MARK1: variants seen among roughly 807,000 people sequenced by gnomAD.
MARK1 encodes the protein microtubule affinity regulating kinase 1.
In MARK1, 40 loss-of-function variants were observed where a neutral mutation model predicts 96.3. The ratio of observed to expected loss-of-function variants is 0.42; its 90% CI spans 0.32 to 0.54. MARK1 has a LOEUF of 0.54. MARK1 is among the 20% of genes least tolerant of loss of function. The probability of loss-of-function intolerance (pLI) is 0.16; values close to 1 mark genes in which losing one functional copy is unlikely to be tolerated. For synonymous variants in MARK1, 317 were observed against 341.2 expected, an observed-to-expected ratio of 0.93 and a Z score of 0.78; for missense variants, 719 against 984.6, an observed-to-expected ratio of 0.73 and a Z score of 3.61.
chr1:220,560,125 A>G lies in MARK1; in HGVS notation c.52-19229A>G, dbSNP rs145543600. Among the ~76,000 whole-genome samples, 72 of 152,286 alleles carry G rather than the reference A, an allele frequency of 4.7e-4. No individual in the cohort carries two copies. The Middle Eastern group carries it at 0.014, about 29-fold the overall frequency. On this transcript the variant is annotated intron_variant, in intron 1 of 17. Transcript: ENST00000366917. Reference sequence around the variant, plus strand: ...AGGGGAAACCCCTTATAAAGCCATCAGATCTCATGAGACTTATTCACTACC... The same window carrying G: ...AGGGGAAACCCCTTATAAAGCCATCGGATCTCATGAGACTTATTCACTACC...
intron 1 of MARK1, among the ~76,000 whole-genome samples, chr1:220,552,386 A>G (rs1461700974): frequency 3.9e-5 from 6 of 152,136 alleles, no homozygotes; most frequent in African/African-American, 1.4e-4. Flanking sequence ...AAATAGCACC[A>G]TATCTTAGTC....
intron 13 of MARK1, among the ~76,000 whole-genome samples, chr1:220,643,311 C>T (rs1404002693): frequency 6.6e-6 from 1 of 151,832 alleles, no homozygotes; most frequent in Admixed American, 6.6e-5. Context: ...TAGCAACAGC[C>T]GAATAGACCA....
chr1:220,593,918 C>A (rs918528933), intron 3 of MARK1, among the ~76,000 whole-genome samples: 7 of 152,244 alleles, frequency 4.6e-5, no homozygotes, highest in African/African-American at 1.7e-4. Flanking sequence ...CAGGCACATT[C>A]TCCTCTGCTG....
At chr1:220,611,671 T>C (rs575474939) in intron 6 of MARK1, among the ~76,000 whole-genome samples, 26 of 152,360 alleles carry the variant, frequency 1.7e-4, no homozygotes, top group African/African-American at 5.8e-4. Flanking sequence ...ACCAGAGGTC[T>C]TCCTGTTCGG....
At chr1:220,619,044 G>C (rs1666914271) in intron 9 of MARK1, among the ~76,000 whole-genome samples, 1 of 152,180 alleles carries the variant, frequency 6.6e-6, no homozygotes, top group South Asian at 2.1e-4. Flanking sequence ...CGTAGCTGCT[G>C]TCAGAAATTG....
chr1:220,651,113 G>GA (rs1259369006), intron 14 of MARK1, among the ~76,000 whole-genome samples: 3 of 151,540 alleles, frequency 2.0e-5, no homozygotes, highest in African/African-American at 7.3e-5. Flanking sequence ...TTCTCCCTCT[G>GA]AAAAAAATGT....
rs551260796 is a variant in MARK1 at position 220,542,827 on chromosome 1, C to G, written c.51+13954C>G. Among the ~76,000 whole-genome samples, 3 of 152,230 alleles carry G rather than the reference C, an allele frequency of 2.0e-5. No homozygotes were observed. In the South Asian group the frequency reaches 6.2e-4, roughly 32 times the overall value. ...AGTACCCCTTATGATATCATGCCTA[C>G]TGCACTGTAGAAATTCTGGAATAAG... On this transcript the variant is annotated intron_variant, in intron 1 of 17. Transcript: ENST00000366917.
chr1:220,608,375 G>A (rs1666221685), intron 6 of MARK1, among the ~76,000 whole-genome samples: 1 of 152,126 alleles, frequency 6.6e-6, no homozygotes, highest in Non-Finnish European at 1.5e-5. Context: ...ATGGTAGTTT[G>A]CATTTCTGTG....
chr1:220,552,917 A>G (rs893009627), intron 1 of MARK1, among the ~76,000 whole-genome samples: 13 of 152,108 alleles, frequency 8.5e-5, no homozygotes, highest in African/African-American at 2.4e-4. Flanking sequence ...TGTTCTATGA[A>G]GCTGACAGAT....
Position 220,604,007 on chromosome 1 carries a change from A to C in MARK1, c.425-60A>C, listed in dbSNP as rs900618330. 6 of 1,068,378 alleles carry C rather than the reference A, an allele frequency of 5.6e-6. No individual in the cohort carries two copies. In the South Asian group the frequency reaches 9.2e-5, roughly 16 times the overall value. 66.2% of individuals were successfully genotyped at this position (1,068,378 alleles called of 1,614,324 possible). On this transcript the variant is annotated intron_variant, in intron 5 of 17. Coordinates refer to ENST00000366917, the MANE Select transcript of MARK1 (RefSeq NM_018650.5). The stretch of plus-strand genomic sequence containing the variant: ...AAACAAGGAAAAAACTTGACATTGC[A>C]TATATTGTTAACCAAAAATCTATGT...
At chr1:220,533,845 G>T (rs73101867) in intron 1 of MARK1, among the ~76,000 whole-genome samples, 2,917 of 152,154 alleles carry the variant, frequency 0.019, 40 homozygotes, top group Middle Eastern at 0.044. Context: ...TTAGATGTGC[G>T]AAAATTTATC....
Position 220,653,820 on chromosome 1 carries a change from T to C in MARK1, c.1988+468T>C, listed in dbSNP as rs142470480. Among the ~76,000 whole-genome samples, 18 of 152,172 alleles carry C rather than the reference T, an allele frequency of 1.2e-4. No homozygotes were observed. The East Asian group carries it at 3.5e-3, about 29-fold the overall frequency. On this transcript the variant is annotated intron_variant, in intron 16 of 17. Coordinates refer to ENST00000366917, the MANE Select transcript of MARK1 (RefSeq NM_018650.5). ...TGCAATTTTACATCATAAAACCTTA[T>C]CATCAAAACATAGTAAACACAAAAT... is the stretch of plus-strand genomic sequence containing the variant.
chr1:220,618,719 A>G lies in MARK1; in HGVS notation c.873A>G (p.Leu291=), dbSNP rs751937421. 31 of 1,612,048 alleles carry G rather than the reference A, an allele frequency of 1.9e-5. No homozygotes were observed. The highest frequency in any genetic ancestry group is 2.6e-5 in the Non-Finnish European group (31 of 1,179,058). Residue 291 remains leucine, a synonymous_variant, in exon 9 of 18, where the codon TTA becomes TTG. Transcript: ENST00000366917. This position sits in a 1 kb window ranked among gnomAD's most constrained non-coding sequence, Gnocchi z 4.6. ...ACTGTGAAAATCTTCTGAAGAAATT[A>G]TTAGTCCTGAATCCAATAAAGAGAG... is the stretch of plus-strand genomic sequence containing the variant. The part of the protein sequence containing the change: ...STDCENLLKK[L]LVLNPIKRGS...
intron 3 of MARK1, among the ~76,000 whole-genome samples, chr1:220,591,177 A>C (rs952947695): frequency 6.6e-6 from 1 of 152,190 alleles, no homozygotes; most frequent in African/African-American, 2.4e-5. Context: ...AACTAATTGC[A>C]GTCAAAAACC....
rs1023284759 is a variant in MARK1, at chr1:220,528,775, C to G, written c.-48C>G. ...TCCTGTCGCCCCCCGGGGCCCGCAC[C>G]ACAGCCCGGCCGGCGAGACCCCGGC... On this transcript the variant is annotated 5_prime_UTR_variant, in exon 1 of 18. Coordinates refer to ENST00000366917, the MANE Select transcript of MARK1 (RefSeq NM_018650.5). The G allele has an allele frequency of 1.9e-6, 3 of 1,538,714 alleles. No homozygotes were observed. Among genetic ancestry groups the G allele is most frequent in the African/African-American group, 1.4e-5 (1 of 71,860 alleles).
Position 220,557,335 on chromosome 1 carries a change from G to A in MARK1, c.52-22019G>A, listed in dbSNP as rs148084274. Among the ~76,000 whole-genome samples the A allele has an allele frequency of 3.0e-3, 457 of 152,242 alleles. 9 individuals are homozygous for A. The highest frequency in any genetic ancestry group is 0.027 in the Admixed American group (410 of 15,280). On this transcript the variant is annotated intron_variant, in intron 1 of 17. Transcript: ENST00000366917. ...CACGCCTGTAATCCTAGCACTTTGG[G>A]AGGCCAAGGCGGGCGGATCACTTAA...
chr1:220,559,809 C>T (rs1447995832), intron 1 of MARK1, among the ~76,000 whole-genome samples: 2 of 152,134 alleles, frequency 1.3e-5, no homozygotes, highest in African/African-American at 4.8e-5. Flanking sequence ...AAAGCAAAGA[C>T]ATCACTGGCA....
intron 9 of MARK1, chr1:220,626,005 A>T: frequency 1.8e-6 from 1 of 549,284 alleles, no homozygotes; most frequent in South Asian, 1.5e-5. Flanking sequence ...CACAGCAAGC[A>T]GATGCAGATT....
chr1:220,573,037 G>T (rs1266644743), intron 1 of MARK1, among the ~76,000 whole-genome samples: 1 of 152,106 alleles, frequency 6.6e-6, no homozygotes, highest in South Asian at 2.1e-4. Flanking sequence ...GTGTGAATGT[G>T]TCATTTTTCC....
Sources: allele counts gnomAD v4.1 joint callset (sites outside exome capture counted in the v4.1 genomes callset), GRCh38; gene constraint gnomAD v4.1.1; non-coding constraint Gnocchi (gnomAD v3.1); transcripts MANE v1.5; gene names NCBI Gene and HGNC (gene_info 2026-07-23, HGNC 2026-07-21).